Variants in CARNMT1 observed in about 807,000 individuals in gnomAD.
CARNMT1 encodes the protein protein-L-histidine N-pros-methyltransferase CARNMT1.
In CARNMT1, 28 loss-of-function variants were observed where a neutral mutation model predicts 49.6. That is an observed-to-expected ratio of 0.56 (90% confidence interval 0.42 to 0.77). CARNMT1 has a LOEUF of 0.77. Among genes scored for constraint, CARNMT1 ranks in the 30% least tolerant of loss-of-function variants. The probability of loss-of-function intolerance (pLI) is 0.00; values close to 1 mark genes in which losing one functional copy is unlikely to be tolerated. For synonymous variants in CARNMT1, 178 were observed against 175.0 expected, an observed-to-expected ratio of 1.02 and a Z score of -0.13; for missense variants, 421 against 512.6, an observed-to-expected ratio of 0.82 and a Z score of 1.73.
chr9:75,001,654 G>A (rs1833361709), intron 3 of CARNMT1, among the ~76,000 whole-genome samples: 1 of 152,198 alleles, frequency 6.6e-6, no homozygotes, highest in Admixed American at 6.5e-5. Context: ...GAATGGGTAA[G>A]ATGGAGAAAA....
intron 3 of CARNMT1, among the ~76,000 whole-genome samples, chr9:75,006,356 G>A (rs1442346512): frequency 7.0e-6 from 1 of 142,334 alleles, no homozygotes; most frequent in Non-Finnish European, 1.5e-5. Flanking sequence ...CTGGCCTAAT[G>A]CCCCTTTTCC....
chr9:75,001,412 A>C (rs1318122773), intron 3 of CARNMT1, among the ~76,000 whole-genome samples: 1 of 152,156 alleles, frequency 6.6e-6, no homozygotes, highest in African/African-American at 2.4e-5. Context: ...AGAACTCTCC[A>C]CCTCAACCTA....
intron 1 of CARNMT1, chr9:75,027,253 G>T (rs1421234829): frequency 4.9e-6 from 3 of 608,330 alleles, no homozygotes; most frequent in Middle Eastern, 8.5e-4. Flanking sequence ...AAGTTAGGGA[G>T]CTGTTTTTAT....
chr9:75,016,972 TA>T, intron 2 of CARNMT1: 1 of 416,346 alleles, frequency 2.4e-6, no homozygotes, highest in South Asian at 8.7e-5. Context: ...AAGTTGCTTT[TA>T]AAAATTTAAG....
chr9:75,000,426 C>T (rs1833320179), intron 3 of CARNMT1, among the ~76,000 whole-genome samples: 1 of 151,916 alleles, frequency 6.6e-6, no homozygotes, highest in Non-Finnish European at 1.5e-5. Flanking sequence ...GGGAAACGGC[C>T]CTCTAATTAA....
Position 75,028,021 on chromosome 9 carries a change from C to G in CARNMT1, c.221G>C (p.Arg74Pro). 6.4e-7 allele frequency: 1 copy of G among 1,570,008 alleles called. No individual in the cohort carries two copies. Among genetic ancestry groups the G allele is most frequent in the Non-Finnish European group, 8.6e-7 (1 of 1,161,084 alleles). Residue 74 changes from arginine (R) to proline (P), a missense_variant, in exon 1 of 8, where the codon CGC (arginine) becomes CCC (proline). By Grantham distance (103) the Arg-to-Pro change is moderately radical. Transcript: ENST00000376834. ...EHFWKIINAF[R>P]YYGTSMHERV... ...GCCACGGGCTCCTTACCCGTAGTAG[C>G]GGAAGGCATTAATGATCTTCCAGAA...
In CARNMT1 at chr9:74,982,968, T is replaced by C. The variant is rs1254071460; in HGVS notation, c.*799A>G. 6.6e-6 allele frequency: 1 copy of C among 152,210 alleles called. No individual in the cohort carries two copies. The highest frequency in any genetic ancestry group is 1.9e-4 in the East Asian group (1 of 5,200). 9.4% of individuals were successfully genotyped at this position (152,210 alleles called of 1,614,324 possible). A position where few individuals can be genotyped will look rare whatever the true frequency, so the allele number is the denominator to read the frequency against. On this transcript the variant is annotated 3_prime_UTR_variant, in exon 8 of 8. Coordinates refer to ENST00000376834, the MANE Select transcript of CARNMT1 (RefSeq NM_152420.3). ...CTTTGATATTTCTGTTACTTGAATA[T>C]ATTTTACCGGCCTGTGATGCTATTA...
Position 74,983,670 on chromosome 9 carries a change from A to G in CARNMT1, c.*97T>C. 1 of 642,922 alleles carries G rather than the reference A, an allele frequency of 1.6e-6. No individual in the cohort carries two copies. Among genetic ancestry groups the G allele is most frequent in the South Asian group, 2.4e-5 (1 of 42,358 alleles). 39.8% of individuals were successfully genotyped at this position (642,922 alleles called of 1,614,324 possible). A position where few individuals can be genotyped will look rare whatever the true frequency, so the allele number is the denominator to read the frequency against. Reference sequence around the variant, plus strand: ...GGAATAAGAAGGCACCACTGATTTGAGGTTGTGTCCTGTCATCACTGATAG... The same window carrying G: ...GGAATAAGAAGGCACCACTGATTTGGGGTTGTGTCCTGTCATCACTGATAG... On this transcript the variant is annotated 3_prime_UTR_variant, in exon 8 of 8. Coordinates refer to ENST00000376834, the MANE Select transcript of CARNMT1 (RefSeq NM_152420.3).
chr9:75,000,972 A>G (rs1457974874), intron 3 of CARNMT1, among the ~76,000 whole-genome samples: 1 of 152,064 alleles, frequency 6.6e-6, no homozygotes, highest in African/African-American at 2.4e-5. Context: ...ATGGCATCCT[A>G]CTCAGACCTA....
chr9:75,009,891 G>T (rs939169025), intron 3 of CARNMT1: 2 of 152,130 alleles, frequency 1.3e-5, no homozygotes, highest in Non-Finnish European at 2.9e-5. Flanking sequence ...CAAACAGAAT[G>T]TAAGAATCAT....
chr9:74,986,531 T>C (rs1832845300), intron 6 of CARNMT1, among the ~76,000 whole-genome samples: 2 of 152,200 alleles, frequency 1.3e-5, no homozygotes, highest in South Asian at 4.1e-4. Flanking sequence ...ATGCAGAGCC[T>C]CACAGCAGAG....
At chr9:75,021,230 T>C (rs188515288) in intron 1 of CARNMT1, among the ~76,000 whole-genome samples, 1 of 146,332 alleles carries the variant, frequency 6.8e-6, no homozygotes, top group African/African-American at 2.5e-5. Context: ...CAATATACTA[T>C]ATAGAGTATA....
At chr9:75,013,568 C>A (rs1336023579) in intron 3 of CARNMT1, among the ~76,000 whole-genome samples, 1 of 148,314 alleles carries the variant, frequency 6.7e-6, no homozygotes, top group Non-Finnish European at 1.5e-5. Flanking sequence ...TAATCTTCAG[C>A]TGGGAAAAAA....
At chr9:75,025,775 A>T (rs1822506870) in intron 1 of CARNMT1, among the ~76,000 whole-genome samples, 1 of 152,206 alleles carries the variant, frequency 6.6e-6, no homozygotes, top group African/African-American at 2.4e-5. Flanking sequence ...AAATGTGTAG[A>T]ACCGGATTGT....
intron 1 of CARNMT1, among the ~76,000 whole-genome samples, chr9:75,022,826 C>A (rs755875298): frequency 5.3e-5 from 8 of 152,082 alleles, no homozygotes; most frequent in Non-Finnish European, 1.2e-4. Flanking sequence ...AACAAATGCA[C>A]CCAAGTTAGA....
intron 1 of CARNMT1, among the ~76,000 whole-genome samples, chr9:75,019,809 G>T (rs1428604431): frequency 6.6e-6 from 1 of 152,126 alleles, no homozygotes; most frequent in Non-Finnish European, 1.5e-5. Flanking sequence ...TGACCACCTG[G>T]GGTGCACTTT....
chr9:74,992,406 T>C (rs556260215), intron 6 of CARNMT1, among the ~76,000 whole-genome samples: 62 of 152,384 alleles, frequency 4.1e-4, no homozygotes, highest in African/African-American at 1.5e-3. Context: ...TCTTCAGATG[T>C]AGTTAGATTC....
At chr9:75,025,769 G>A (rs1822506800) in intron 1 of CARNMT1, among the ~76,000 whole-genome samples, 1 of 152,172 alleles carries the variant, frequency 6.6e-6, no homozygotes, top group Non-Finnish European at 1.5e-5. Context: ...CTTGCTAAAT[G>A]TGTAGAACCG....
intron 3 of CARNMT1, among the ~76,000 whole-genome samples, chr9:75,014,784 TTG>T (rs1833797336): frequency 2.0e-5 from 3 of 151,906 alleles, no homozygotes; most frequent in Admixed American, 6.6e-5. Flanking sequence ...GAGGCGGAGG[TTG>T]CAGTAAGCAG....
Sources: allele counts gnomAD v4.1 joint callset (sites outside exome capture counted in the v4.1 genomes callset), GRCh38; gene constraint gnomAD v4.1.1; transcripts MANE v1.5; gene names NCBI Gene and HGNC (gene_info 2026-07-23, HGNC 2026-07-21).